The following KCTD8 variants were observed in gnomAD, a reference collection of about 807,000 sequenced individuals.
The protein encoded by KCTD8 is BTB/POZ domain-containing protein KCTD8.
Under a neutral mutation model 31.5 loss-of-function variants are expected in KCTD8, and 27 were observed. That is an observed-to-expected ratio of 0.86 (90% CI 0.63 to 1.18). The LOEUF (loss-of-function observed/expected upper bound fraction) is 1.18. Among genes scored for constraint, KCTD8 ranks in the 50% most tolerant of loss-of-function variants. The pLI, the probability that KCTD8 is intolerant of heterozygous loss-of-function variation, is 0.00. For missense variants in KCTD8, 658 were observed against 647.7 expected (o/e 1.02, Z -0.17); for synonymous variants, 290 against 280.0 (o/e 1.04, Z -0.36).
intron 1 of KCTD8, among the ~76,000 whole-genome samples, chr4:44,382,929 A>C (rs2109443930): frequency 6.6e-6 from 1 of 152,068 alleles, no homozygotes; most frequent in East Asian, 1.9e-4. Context: ...TCTACCAAAA[A>C]GCTCTTACAA....
intron 1 of KCTD8, among the ~76,000 whole-genome samples, chr4:44,284,224 A>C (rs1716990441): frequency 6.6e-6 from 1 of 152,030 alleles, no homozygotes; most frequent in Non-Finnish European, 1.5e-5. Flanking sequence ...ACCTGACTTC[A>C]AAGTTTACTA....
chr4:44,418,166 A>G (rs1721121642), intron 1 of KCTD8, among the ~76,000 whole-genome samples: 1 of 152,172 alleles, frequency 6.6e-6, no homozygotes, highest in African/African-American at 2.4e-5. Flanking sequence ...CTTCACAGAG[A>G]AGGCCACCTA....
At chr4:44,247,425 G>C (rs767799411) in intron 1 of KCTD8, among the ~76,000 whole-genome samples, 1 of 151,430 alleles carries the variant, frequency 6.6e-6, no homozygotes, top group Non-Finnish European at 1.5e-5. Flanking sequence ...ACCTCTTTAC[G>C]GGCTATTACA....
At chr4:44,352,784 G>T (rs1477458364) in intron 1 of KCTD8, among the ~76,000 whole-genome samples, 1 of 151,662 alleles carries the variant, frequency 6.6e-6, no homozygotes, top group African/African-American at 2.4e-5. Flanking sequence ...GTTATCATTA[G>T]GCACCTTTAT....
At chr4:44,423,962 A>C (rs1278365849) in intron 1 of KCTD8, among the ~76,000 whole-genome samples, 1 of 152,114 alleles carries the variant, frequency 6.6e-6, no homozygotes, top group Non-Finnish European at 1.5e-5. Flanking sequence ...ATGGCAAAAC[A>C]ATATTTAAAT....
chr4:44,330,038 G>A (rs1718555840), intron 1 of KCTD8, among the ~76,000 whole-genome samples: 2 of 151,554 alleles, frequency 1.3e-5, no homozygotes, highest in Admixed American at 6.6e-5. Flanking sequence ...GTTCTATATA[G>A]AAAAGCCCCA....
chr4:44,187,968 C>A (rs867250037), intron 1 of KCTD8, among the ~76,000 whole-genome samples: 1 of 133,726 alleles, frequency 7.5e-6, no homozygotes, highest in African/African-American at 2.6e-5. Context: ...AACACACACA[C>A]ACACACACAC....
intron 1 of KCTD8, among the ~76,000 whole-genome samples, chr4:44,207,348 A>G (rs868235495): frequency 2.2e-4 from 34 of 152,308 alleles, no homozygotes; most frequent in South Asian, 8.3e-4. Flanking sequence ...CCTATTTTAA[A>G]TCATACCCCA....
At chr4:44,237,732 T>C (rs1031135569) in intron 1 of KCTD8, among the ~76,000 whole-genome samples, 13 of 152,216 alleles carry the variant, frequency 8.5e-5, no homozygotes, top group Non-Finnish European at 1.2e-4. Flanking sequence ...TGATCCTTTA[T>C]TTAACTCTAA....
intron 1 of KCTD8, among the ~76,000 whole-genome samples, chr4:44,325,856 A>G (rs930849057): frequency 3.3e-5 from 5 of 151,930 alleles, no homozygotes; most frequent in African/African-American, 4.8e-5. Flanking sequence ...TATTAGGTAT[A>G]AGTCACCACA....
chr4:44,261,107 T>C (rs1209365657), intron 1 of KCTD8, among the ~76,000 whole-genome samples: 1 of 151,912 alleles, frequency 6.6e-6, no homozygotes, highest in African/African-American at 2.4e-5. Flanking sequence ...ATGGTTTGCA[T>C]ATGAGATGTA....
At chr4:44,404,837 T>C (rs546495455) in intron 1 of KCTD8, among the ~76,000 whole-genome samples, 49 of 152,204 alleles carry the variant, frequency 3.2e-4, no homozygotes, top group Non-Finnish European at 6.0e-4. Context: ...TAATCTCACT[T>C]TGAACATTCC....
intron 1 of KCTD8, among the ~76,000 whole-genome samples, chr4:44,419,143 C>T (rs992284333): frequency 1.3e-5 from 2 of 152,048 alleles, no homozygotes; most frequent in Non-Finnish European, 1.5e-5. Context: ...TAGCAAACCC[C>T]AAAACCCATG....
intron 1 of KCTD8, among the ~76,000 whole-genome samples, chr4:44,259,586 G>C (rs532461688): frequency 6.6e-6 from 1 of 151,822 alleles, no homozygotes; most frequent in African/African-American, 2.4e-5. Context: ...AATTTTCCTT[G>C]GCAACCTATT....
chr4:44,318,349 G>A lies in KCTD8; in HGVS notation c.961+129214C>T, dbSNP rs1000547966. ...AGGTTCAAGCAATCCTCCTGTCCCAGCCTTCTAAGTAGCTGAGACTAGAAG... is the reference window on the plus strand; with the variant it reads ...AGGTTCAAGCAATCCTCCTGTCCCAACCTTCTAAGTAGCTGAGACTAGAAG... On this transcript the variant is annotated intron_variant, in intron 1 of 1. Coordinates refer to ENST00000360029, the MANE Select transcript of KCTD8 (RefSeq NM_198353.3). Among the ~76,000 whole-genome samples the A allele has an allele frequency of 2.0e-5, 3 of 152,222 alleles. No homozygotes were observed. In the South Asian group the frequency reaches 6.2e-4, roughly 32 times the overall value.
intron 1 of KCTD8, among the ~76,000 whole-genome samples, chr4:44,182,535 A>G (rs551587209): frequency 3.9e-5 from 6 of 152,296 alleles, no homozygotes; most frequent in African/African-American, 1.4e-4. Context: ...ACTCAGGGTT[A>G]AATGGATTAA....
intron 1 of KCTD8, among the ~76,000 whole-genome samples, chr4:44,265,830 G>A (rs1577582638): frequency 1.3e-5 from 2 of 151,980 alleles, no homozygotes. Flanking sequence ...AAGTGAGAAG[G>A]GAAGTTTAGA....
At chr4:44,390,262 G>T (rs1720333517) in intron 1 of KCTD8, among the ~76,000 whole-genome samples, 2 of 151,858 alleles carry the variant, frequency 1.3e-5, no homozygotes, top group Non-Finnish European at 2.9e-5. Context: ...AACTTTTATG[G>T]TTTCAGTTCT....
At chr4:44,192,703 G>A (rs1290259253) in intron 1 of KCTD8, among the ~76,000 whole-genome samples, 2 of 152,110 alleles carry the variant, frequency 1.3e-5, no homozygotes, top group African/African-American at 2.4e-5. Flanking sequence ...ATAGATCCTG[G>A]GTGTGTCTGT....
Sources: gnomAD v4.1 joint callset for allele counts (sites outside exome capture counted in the v4.1 genomes callset) on GRCh38, gnomAD v4.1.1 for gene constraint, MANE v1.5 for transcripts, NCBI Gene and HGNC (gene_info 2026-07-23, HGNC 2026-07-21) for gene names.